The following SEC61A1 variants were observed in gnomAD, a reference collection of about 807,000 sequenced individuals.
SEC61A1 encodes SEC61 translocon subunit alpha 1, also known as protein transport protein Sec61 subunit alpha isoform 1.
In SEC61A1, 15 loss-of-function variants were observed where a neutral mutation model predicts 55.2. The ratio of observed to expected loss-of-function variants is 0.27; its 90% CI spans 0.18 to 0.42. The LOEUF (loss-of-function observed/expected upper bound fraction) is 0.42, where lower values mean the gene tolerates loss of function less well. Among genes scored for constraint, SEC61A1 ranks in the 10% least tolerant of loss-of-function variants. The pLI, the probability that SEC61A1 is intolerant of heterozygous loss-of-function variation, is 1.00. For missense variants in SEC61A1, 284 were observed against 602.6 expected, an observed-to-expected ratio of 0.47 and a Z score of 5.53; for synonymous variants, 247 against 234.0, an observed-to-expected ratio of 1.06 and a Z score of -0.51.
chr3:128,052,301 A>T, upstream of SEC61A1: 2 of 297,378 alleles, frequency 6.7e-6, no homozygotes, highest in Non-Finnish European at 1.0e-5. Context: ...CCGGGGCTTG[A>T]GGTCTCGGCG....
chr3:128,054,290 G>A (rs573434566), intron 2 of SEC61A1, among the ~76,000 whole-genome samples: 3 of 152,266 alleles, frequency 2.0e-5, no homozygotes, highest in Admixed American at 6.5e-5. Context: ...GAGAGGACTT[G>A]GTGATTAGAA....
intron 6 of SEC61A1, 117 bp downstream of exon 6, chr3:128,060,328 A>T (rs1336474321): frequency 1.9e-6 from 2 of 1,059,370 alleles, no homozygotes; most frequent in Admixed American, 4.0e-5. Flanking sequence ...GCAGAAGCCT[A>T]AGACTCTGGG....
At chr3:128,055,388 C>T in intron 2 of SEC61A1, 128 bp from the exon 3 acceptor site, 2 of 763,200 alleles carry the variant, frequency 2.6e-6, no homozygotes, top group South Asian at 3.1e-5. Context: ...GGTTTGGCTT[C>T]TCTGCTGAAC....
At chr3:128,064,821 A>G in intron 7 of SEC61A1, 56 bp from the exon 8 acceptor site, 1 of 1,473,490 alleles carries the variant, frequency 6.8e-7, no homozygotes, top group Non-Finnish European at 9.2e-7. Context: ...AGAAGGCTAG[A>G]AGCAAATTGA....
intron 4 of SEC61A1, 66 bp downstream of exon 4, chr3:128,055,817 A>C (rs928765532): frequency 2.1e-5 from 28 of 1,309,862 alleles, no homozygotes; most frequent in Admixed American, 7.1e-5. Context: ...TAGTTAAATT[A>C]ATAGGCTTTG....
At chr3:128,052,436 T>A, upstream of SEC61A1, 1 of 1,408,028 alleles carries the variant, frequency 7.1e-7, no homozygotes, top group Non-Finnish European at 9.3e-7. Flanking sequence ...GGGCTAGCAC[T>A]GACGTGTCTC....
chr3:128,052,960 G>T (rs1383248232), intron 2 of SEC61A1, 58 bp downstream of exon 2: 14 of 1,360,530 alleles, frequency 1.0e-5, no homozygotes, highest in Non-Finnish European at 1.2e-5. Context: ...GACTCTGGAA[G>T]TTTACAGTAT....
At position 128,055,790 on chromosome 3, in the gene SEC61A1, G is replaced by T. The variant is rs747574424; in HGVS notation, c.220+39G>T. 2.0e-6 allele frequency: 3 copies of T among 1,478,456 alleles called. No individual in the cohort carries two copies. The Middle Eastern group carries it at 5.2e-4, about 255-fold the overall frequency. 91.6% of individuals were successfully genotyped at this position (1,478,456 alleles called of 1,614,324 possible). A position where few individuals can be genotyped will look rare whatever the true frequency, so the allele number is the denominator to read the frequency against. On this transcript the variant is annotated intron_variant, in intron 4 of 11. Transcript: ENST00000243253. Reference sequence around the variant, plus strand: ...TCTGTCTTTTCTCTGTAGAGTGTAGGCTTACCTAGCTTCACTTAGTTAAAT... The same window carrying T: ...TCTGTCTTTTCTCTGTAGAGTGTAGTCTTACCTAGCTTCACTTAGTTAAAT...
intron 1 of SEC61A1, 82 bp downstream of exon 1, chr3:128,052,641 G>C: frequency 6.4e-7 from 1 of 1,552,098 alleles, no homozygotes; most frequent in Non-Finnish European, 8.7e-7. Flanking sequence ...GGCGCCCGCC[G>C]GCCAACCCTG....
chr3:128,052,633 C>A, intron 1 of SEC61A1, 74 bp downstream of exon 1: 11 of 1,552,266 alleles, frequency 7.1e-6, no homozygotes, highest in Non-Finnish European at 9.6e-6. Context: ...TGCGGTCGGG[C>A]GCCCGCCGGC....
intron 7 of SEC61A1, among the ~76,000 whole-genome samples, chr3:128,063,398 C>T (rs534126180): frequency 7.2e-5 from 11 of 152,328 alleles, no homozygotes; most frequent in African/African-American, 2.2e-4. Context: ...AGTGCATTGG[C>T]GCCATCTCGG....
upstream of SEC61A1, among the ~76,000 whole-genome samples, chr3:128,052,183 C>A (rs559003179): frequency 2.1e-4 from 32 of 152,072 alleles, no homozygotes; most frequent in Non-Finnish European, 4.4e-4. Flanking sequence ...GACACACCCT[C>A]CCCGCGCGCT....
intron 8 of SEC61A1, among the ~76,000 whole-genome samples, chr3:128,065,529 G>A (rs1165198726): frequency 6.6e-6 from 1 of 152,042 alleles, no homozygotes; most frequent in African/African-American, 2.4e-5. Flanking sequence ...ATTGATCTTT[G>A]TATTTTTTGA....
At position 128,052,838 on chromosome 3, in the gene SEC61A1, A is replaced by G. The variant is rs1252144071; in HGVS notation, c.11A>G (p.Lys4Arg). The G allele has an allele frequency of 1.9e-6, 3 of 1,613,574 alleles. No homozygotes were observed. Among genetic ancestry groups the G allele is most frequent in the Admixed American group, 1.7e-5 (1 of 59,976 alleles). The change falls in exon 2 of 12, where the codon AAA becomes AGA. Residue 4 changes from lysine (K) to arginine (R), a missense_variant. Coordinates refer to ENST00000243253, the MANE Select transcript of SEC61A1 (RefSeq NM_013336.4). The part of the protein sequence containing the change: MAI[K>R]FLEVIKPFCV... Reference sequence around the variant, plus strand: ...TGTTTTGTTTCTCCCATCAAAGTCAAATTTCTGGAAGTCATCAAGCCCTTC... The same window carrying G: ...TGTTTTGTTTCTCCCATCAAAGTCAGATTTCTGGAAGTCATCAAGCCCTTC...
rs1386191860 is a variant in SEC61A1, at chr3:128,055,566, C to T, written c.126C>T (p.Phe42=). The change falls in exon 3 of 12, where the codon TTC becomes TTT. Residue 42 remains phenylalanine, a synonymous_variant. Coordinates refer to ENST00000243253, the MANE Select transcript of SEC61A1 (RefSeq NM_013336.4). ...GGACCGCTATCACCCTCTTTATCTT[C>T]TTAGTGTGCTGCCAGGTAAGCTCAG... is the stretch of plus-strand genomic sequence containing the variant. ...VLWTAITLFI[F]LVCCQIPLFG... is the part of the protein sequence containing the mutation. 9 of 1,613,610 alleles carry T rather than the reference C, an allele frequency of 5.6e-6. No individual in the cohort carries two copies. Among genetic ancestry groups the T allele is most frequent in the South Asian group, 1.1e-5 (1 of 91,076 alleles).
Position 128,060,093 on chromosome 3 carries a change from C to A in SEC61A1, c.353-9C>A. The A allele has an allele frequency of 3.7e-6, 6 of 1,601,176 alleles. No homozygotes were observed. The highest frequency in any genetic ancestry group is 2.2e-5 in the East Asian group (1 of 44,820). ...CCACTTGGAAAACACTTCTTTCTTT[C>A]AATTCTAGTATTTGGCATGATCATT... On this transcript the variant is annotated splice_polypyrimidine_tract_variant and intron_variant, in intron 5 of 11. Coordinates refer to ENST00000243253, the MANE Select transcript of SEC61A1 (RefSeq NM_013336.4).
At position 128,071,065 on chromosome 3, in the gene SEC61A1, G is replaced by T. The variant is rs906142963; in HGVS notation, c.*1403G>T. On this transcript the variant is annotated 3_prime_UTR_variant, in exon 12 of 12. Coordinates refer to ENST00000243253, the MANE Select transcript of SEC61A1 (RefSeq NM_013336.4). ...CGGGGAGACCCCACTCTGACAGTGG[G>T]CACACGGCAGCCTGCAAAGCACAGG... is the stretch of plus-strand genomic sequence containing the variant. 1.3e-5 allele frequency: 2 copies of T among 152,308 alleles called. No homozygotes were observed. The highest frequency in any genetic ancestry group is 2.9e-5 in the Non-Finnish European group (2 of 68,124). 9.4% of individuals were successfully genotyped at this position (152,308 alleles called of 1,614,324 possible).
chr3:128,051,955 G>C, upstream of SEC61A1: 1 of 1,435,178 alleles, frequency 7.0e-7, no homozygotes, highest in Non-Finnish European at 9.5e-7. Context: ...TAATGACGGA[G>C]ACCTACTAGG....
Position 128,067,803 on chromosome 3 carries a change from T to C in SEC61A1, c.1168-180T>C, listed in dbSNP as rs1942029530. Reference sequence around the variant, plus strand: ...AGTAGATCAGCTGTGGGTATGAGAATCTGAATCCACACTGTAAAGTTAGAC... The same window carrying C: ...AGTAGATCAGCTGTGGGTATGAGAACCTGAATCCACACTGTAAAGTTAGAC... On this transcript the variant is annotated intron_variant, in intron 10 of 11. Transcript: ENST00000243253. This position sits in a 1 kb window ranked among gnomAD's most constrained non-coding sequence, Gnocchi z 4.1. The C allele has an allele frequency of 2.9e-6, 2 of 678,870 alleles. No homozygotes were observed. Among genetic ancestry groups the C allele is most frequent in the South Asian group, 1.8e-5 (1 of 55,790 alleles). The allele number at this position is 678,870 out of a possible 1,614,324, so 42.1% of individuals were successfully genotyped here.
Sources: gnomAD v4.1 joint callset for allele counts (sites outside exome capture counted in the v4.1 genomes callset) on GRCh38, gnomAD v4.1.1 for gene constraint, Gnocchi (gnomAD v3.1) non-coding constraint, MANE v1.5 for transcripts, NCBI Gene and HGNC (gene_info 2026-07-23, HGNC 2026-07-21) for gene names.